RPS7: variants seen among roughly 807,000 people sequenced by gnomAD.
The protein encoded by RPS7 is small ribosomal subunit protein eS7.
In RPS7, 1 loss-of-function variant was observed where a neutral mutation model predicts 22.1. The observed-to-expected ratio is 0.05, with a 90% CI of 0.02 to 0.21. The LOEUF (loss-of-function observed/expected upper bound fraction) is 0.21, where lower values mean the gene tolerates loss of function less well. Among genes scored for constraint, RPS7 ranks in the 10% least tolerant of loss-of-function variants. The pLI, the probability that RPS7 is intolerant of heterozygous loss-of-function variation, is 1.00. For missense variants in RPS7, 137 were observed against 246.4 expected (o/e 0.56, Z 2.97); for synonymous variants, 80 against 92.0 (o/e 0.87, Z 0.74).
At chr2:3,575,496 C>A in intron 1 of RPS7, 96 bp from the exon 2 acceptor site, 2 of 768,954 alleles carry the variant, frequency 2.6e-6, no homozygotes, top group Non-Finnish European at 4.4e-6. Flanking sequence ...ATGGCTTCTG[C>A]GGGGCGAGCG....
At chr2:3,578,044 A>C (rs1244431228) in intron 5 of RPS7, 1 of 460,012 alleles carries the variant, frequency 2.2e-6, no homozygotes, top group Non-Finnish European at 3.9e-6. Context: ...AGGAATGATG[A>C]GAAGGAAATC....
chr2:3,576,266 G>A, intron 3 of RPS7: 1 of 618,140 alleles, frequency 1.6e-6, no homozygotes, highest in Non-Finnish European at 2.9e-6. Flanking sequence ...GTAGTGATTG[G>A]CCTCCTGGCC....
At position 3,577,387 on chromosome 2, in the gene RPS7, A is replaced by C. The variant is rs1661304741; in HGVS notation, c.292-323A>C. The C allele has an allele frequency of 4.2e-5, 13 of 309,436 alleles. 2 individuals carry two copies. The South Asian group carries it at 4.9e-4, about 12-fold the overall frequency. 19.2% of individuals were successfully genotyped at this position (309,436 alleles called of 1,614,324 possible). A position where few individuals can be genotyped will look rare whatever the true frequency, so the allele number is the denominator to read the frequency against. On this transcript the variant is annotated intron_variant, in intron 4 of 6. Transcript: ENST00000645674. ...CGGATGGGGGATTGGTGCAAACTGA[A>C]GTCTATGGGGAATGAAGTGCCAGGA...
At chr2:3,578,015 G>A (rs940634091) in intron 5 of RPS7, 6 of 549,896 alleles carry the variant, frequency 1.1e-5, no homozygotes, top group African/African-American at 7.6e-5. Flanking sequence ...GATTTCCTCC[G>A]ATTATTTGTG....
chr2:3,580,387 C>A (rs767420131), intron 6 of RPS7, 127 bp downstream of exon 6: 22 of 804,456 alleles, frequency 2.7e-5, no homozygotes, highest in Non-Finnish European at 4.5e-5. Context: ...TTTACCCGCA[C>A]TTCAGCCTGC....
intron 3 of RPS7, 73 bp downstream of exon 3, chr2:3,575,961 C>G: frequency 9.1e-7 from 1 of 1,102,808 alleles, no homozygotes; most frequent in Non-Finnish European, 1.4e-6. Flanking sequence ...GAGGGTTGGA[C>G]CTGGGTTACG....
intron 5 of RPS7, chr2:3,578,356 T>C (rs1661332335): frequency 6.5e-6 from 1 of 153,190 alleles, no homozygotes; most frequent in African/African-American, 2.4e-5. Context: ...AACTATTAAA[T>C]CCCTGTGGAC....
chr2:3,575,371 C>G (rs542375330), intron 1 of RPS7, 21 bp downstream of exon 1: 36 of 558,536 alleles, frequency 6.4e-5, no homozygotes, highest in African/African-American at 6.4e-4. Flanking sequence ...GGCCTGCTCT[C>G]CGACAGAACT....
intron 6 of RPS7, 142 bp downstream of exon 6, chr2:3,580,402 C>A: frequency 1.3e-6 from 1 of 765,628 alleles, no homozygotes; most frequent in Non-Finnish European, 2.3e-6. Context: ...GCCTGCTCTC[C>A]TTTGGATTAT....
chr2:3,575,713 G>A (rs759880053), intron 2 of RPS7, 29 bp downstream of exon 2: 1 of 1,601,812 alleles, frequency 6.2e-7, no homozygotes, highest in East Asian at 2.2e-5. Context: ...GGTCTGGGGT[G>A]GGGGGAGGCG....
intron 4 of RPS7, 151 bp from the exon 5 acceptor site, chr2:3,577,559 T>C: frequency 1.5e-6 from 1 of 658,824 alleles, no homozygotes; most frequent in South Asian, 1.8e-5. Context: ...AAGGGTTTGC[T>C]CAGTCAATTG....
At chr2:3,576,760 G>C in intron 4 of RPS7, 130 bp downstream of exon 4, 2 of 1,197,334 alleles carry the variant, frequency 1.7e-6, no homozygotes, top group Non-Finnish European at 2.5e-6. Context: ...GAAAGATAAA[G>C]TACAGGCAGA....
At position 3,576,508 on chromosome 2, in the gene RPS7, C is replaced by T. The variant is rs756780024; in HGVS notation, c.169C>T (p.Arg57Trp). The T allele has an allele frequency of 1.9e-6, 3 of 1,613,800 alleles. No individual in the cohort carries two copies. The highest frequency in any genetic ancestry group is 1.1e-5 in the South Asian group (1 of 91,054). ...TTAGGAAATTGAAGTTGGTGGTGGTCGGAAAGCTATCATAATCTTTGTTCC... is the reference window on the plus strand; with the variant it reads ...TTAGGAAATTGAAGTTGGTGGTGGTTGGAAAGCTATCATAATCTTTGTTCC... The part of the protein sequence containing the change: ...AAKEIEVGGG[R>W]KAIIIFVPVP... The change falls in exon 4 of 7, where the codon CGG becomes TGG. Residue 57 changes from arginine (R) to tryptophan (W), a missense_variant. Coordinates refer to ENST00000645674, the MANE Select transcript of RPS7 (RefSeq NM_001011.4).
rs746435863 is a variant in RPS7, at chr2:3,580,800, T to C, written c.508-5T>C. The C allele has an allele frequency of 1.3e-6, 2 of 1,567,072 alleles. No homozygotes were observed. Among genetic ancestry groups the C allele is most frequent in the Non-Finnish European group, 1.8e-6 (2 of 1,139,114 alleles). ...TTCTGTGATGAATTCTTTCTTTTCT[T>C]GTAGGTTGAAACTTTTTCTGGTGTC... On this transcript the variant is annotated splice_polypyrimidine_tract_variant and splice_region_variant and intron_variant, in intron 6 of 6. Coordinates refer to ENST00000645674, the MANE Select transcript of RPS7 (RefSeq NM_001011.4).
chr2:3,577,700 T>A lies in RPS7; in HGVS notation c.292-10T>A, dbSNP rs778900653. 1 of 1,603,120 alleles carries A rather than the reference T, an allele frequency of 6.2e-7. No homozygotes were observed. On this transcript the variant is annotated splice_polypyrimidine_tract_variant and intron_variant, in intron 4 of 6. Transcript: ENST00000645674. Reference sequence around the variant, plus strand: ...TTTCATTTTGTTACATGATAATTTTTACCTTACAGAGGAGAATTCTGCCTA... The same window carrying A: ...TTTCATTTTGTTACATGATAATTTTAACCTTACAGAGGAGAATTCTGCCTA...
At chr2:3,577,117 C>G (rs1219243351) in intron 4 of RPS7, 1 of 208,408 alleles carries the variant, frequency 4.8e-6, no homozygotes, top group Non-Finnish European at 9.9e-6. Flanking sequence ...AGGCGGATCA[C>G]GAGGTCAGGA....
chr2:3,576,418 C>T (rs529256061), intron 3 of RPS7, 69 bp from the exon 4 acceptor site: 44 of 1,383,180 alleles, frequency 3.2e-5, no homozygotes, highest in Non-Finnish European at 3.5e-5. Context: ...GTCTTCTTAT[C>T]CTCTAATTTG....
At chr2:3,575,973 TTGA>T (rs1661268201) in intron 3 of RPS7, 85 bp downstream of exon 3, 4 of 1,006,912 alleles carry the variant, frequency 4.0e-6, no homozygotes, top group Non-Finnish European at 6.1e-6. Flanking sequence ...TGGGTTACGG[TTGA>T]TGATGACTTG....
chr2:3,577,354 TTACAG>T (rs1429892854), intron 4 of RPS7: 1 of 234,842 alleles, frequency 4.3e-6, no homozygotes, highest in Admixed American at 5.2e-5. Context: ...AAGAAACCTG[TTACAG>T]TTCGGATGGG....
Sources: allele counts gnomAD v4.1 joint callset, GRCh38; gene constraint gnomAD v4.1.1; transcripts MANE v1.5; gene names NCBI Gene and HGNC (gene_info 2026-07-23, HGNC 2026-07-21).